PDE1C: variants seen among roughly 807,000 people sequenced by gnomAD.
PDE1C encodes dual specificity calcium/calmodulin-dependent 3',5'-cyclic nucleotide phosphodiesterase 1C.
A neutral mutation model predicts 93.1 loss-of-function variants in PDE1C; 62 were observed. The ratio of observed to expected loss-of-function variants is 0.67; its 90% confidence interval spans 0.54 to 0.82. The LOEUF (loss-of-function observed/expected upper bound fraction) is 0.82. Among genes scored for constraint, PDE1C ranks in the 40% least tolerant of loss-of-function variants. The pLI is 0.00. For missense variants in PDE1C, 742 were observed against 884.6 expected (o/e 0.84, Z 2.04); for synonymous variants, 325 against 310.1 (o/e 1.05, Z -0.50).
chr7:32,237,323 G>A (rs542794751), intron 1 of PDE1C, among the ~76,000 whole-genome samples: 203 of 151,788 alleles, frequency 1.3e-3, no homozygotes, highest in African/African-American at 4.4e-3. Flanking sequence ...TCCTGACCTC[G>A]TGATCCGCCC....
intron 2 of PDE1C, among the ~76,000 whole-genome samples, chr7:31,906,263 T>C (rs1198316853): frequency 1.3e-5 from 2 of 152,198 alleles, no homozygotes; most frequent in Non-Finnish European, 2.9e-5. Flanking sequence ...TATTCTTACA[T>C]CATGCTTCTA....
intron 3 of PDE1C, among the ~76,000 whole-genome samples, chr7:32,088,445 G>A (rs1394445798): frequency 1.3e-5 from 2 of 152,210 alleles, no homozygotes; most frequent in African/African-American, 4.8e-5. Context: ...AGCCCACCTC[G>A]CTTGGCAACC....
intron 2 of PDE1C, among the ~76,000 whole-genome samples, chr7:32,011,204 T>C (rs569511436): frequency 6.6e-6 from 1 of 152,236 alleles, no homozygotes; most frequent in African/African-American, 2.4e-5. Context: ...CAATTTTTTT[T>C]TTTTTTGAGA....
intron 3 of PDE1C, among the ~76,000 whole-genome samples, chr7:32,098,244 A>AAAAAAAAAAAAAAAAAC: frequency 6.9e-6 from 1 of 144,546 alleles, no homozygotes; most frequent in African/African-American, 2.6e-5. Context: ...AAAAAAAAAA[A>AAAAAAAAAAAAAAAAAC]AAAGACATAA....
At chr7:31,758,089 T>A (rs1193198228) in intron 17 of PDE1C, among the ~76,000 whole-genome samples, 3 of 152,058 alleles carry the variant, frequency 2.0e-5, no homozygotes, top group Admixed American at 2.0e-4. Flanking sequence ...TAGGTGGGAA[T>A]TGAACAATGA....
intron 7 of PDE1C, 44 bp downstream of exon 7, chr7:31,864,898 C>T (rs1407252826): frequency 6.3e-7 from 1 of 1,594,728 alleles, no homozygotes; most frequent in Non-Finnish European, 8.6e-7. Flanking sequence ...AAAAACTCAT[C>T]CTTACATCTT....
chr7:32,365,404 C>A (rs1784210866), intron 1 of PDE1C, among the ~76,000 whole-genome samples: 1 of 152,140 alleles, frequency 6.6e-6, no homozygotes, highest in Non-Finnish European at 1.5e-5. Flanking sequence ...AGGGACTGTC[C>A]CCAGCAGACA....
chr7:32,236,621 G>A (rs1399874134), intron 1 of PDE1C, among the ~76,000 whole-genome samples: 1 of 152,108 alleles, frequency 6.6e-6, no homozygotes, highest in Non-Finnish European at 1.5e-5. Flanking sequence ...TGTATCTCAG[G>A]CTATATAGGA....
At chr7:32,331,216 A>G (rs1562677160) in intron 1 of PDE1C, among the ~76,000 whole-genome samples, 1 of 152,206 alleles carries the variant, frequency 6.6e-6, no homozygotes, top group African/African-American at 2.4e-5. Flanking sequence ...CATCCTCAGA[A>G]GGATCCAAAA....
At chr7:31,760,433 C>A (rs910230910) in intron 17 of PDE1C, among the ~76,000 whole-genome samples, 1 of 152,148 alleles carries the variant, frequency 6.6e-6, no homozygotes, top group Non-Finnish European at 1.5e-5. Context: ...GGTCTGGCCT[C>A]ATTCCCTTGA....
At chr7:32,338,802 G>A (rs1783681110) in intron 1 of PDE1C, among the ~76,000 whole-genome samples, 1 of 152,104 alleles carries the variant, frequency 6.6e-6, no homozygotes, top group Non-Finnish European at 1.5e-5. Flanking sequence ...AGGAGATCGA[G>A]ACCATCCTGG....
intron 2 of PDE1C, among the ~76,000 whole-genome samples, chr7:31,992,131 C>T (rs796546356): frequency 1.1e-4 from 17 of 152,274 alleles, no homozygotes; most frequent in African/African-American, 4.1e-4. Context: ...TGCACCAGGC[C>T]CAAGCCCAGT....
rs570749397 is a variant in PDE1C at position 32,405,890 on chromosome 7, C to A, written c.310+21932G>T. 2.0e-5 allele frequency among the ~76,000 whole-genome samples: 3 copies of A among 152,264 alleles called. No individual in the cohort carries two copies. The East Asian group carries it at 5.8e-4, about 29-fold the overall frequency. ...ATTCCACTATAAAGGTTGGATGGAA[C>A]TCAAAAGCCTATTAGTGTAGCTGTG... is the stretch of plus-strand genomic sequence containing the variant. On this transcript the variant is annotated intron_variant, in intron 1 of 1. Coordinates refer to the PDE1C transcript ENST00000672256.
At chr7:32,291,984 C>T (rs777620250) in intron 1 of PDE1C, among the ~76,000 whole-genome samples, 2 of 152,142 alleles carry the variant, frequency 1.3e-5, no homozygotes, top group Non-Finnish European at 2.9e-5. Context: ...TGCTTTTCTC[C>T]TCTGTGGTTC....
intron 1 of PDE1C, among the ~76,000 whole-genome samples, chr7:32,307,764 C>A (rs949400923): frequency 6.6e-6 from 1 of 152,146 alleles, no homozygotes; most frequent in Non-Finnish European, 1.5e-5. Context: ...CCAAGATGGC[C>A]GAATAGGAAC....
At chr7:31,723,975 A>G in the PDE1C span, among the ~76,000 whole-genome samples, 1 of 151,912 alleles carries the variant, frequency 6.6e-6, no homozygotes, top group Admixed American at 6.6e-5. Flanking sequence ...TCTTACTTCT[A>G]TATCATCTCA....
intron 1 of PDE1C, among the ~76,000 whole-genome samples, chr7:32,267,656 T>C (rs988744381): frequency 6.8e-6 from 1 of 146,716 alleles, no homozygotes; most frequent in African/African-American, 2.5e-5. Flanking sequence ...ACCCCAACCA[T>C]CTGAAAGTAA....
At chr7:31,923,718 A>T (rs1400510411) in intron 2 of PDE1C, among the ~76,000 whole-genome samples, 1 of 152,190 alleles carries the variant, frequency 6.6e-6, no homozygotes, top group Non-Finnish European at 1.5e-5. Context: ...GCTCATGCCT[A>T]TAATCCCATG....
intron 1 of PDE1C, among the ~76,000 whole-genome samples, chr7:32,279,087 T>C (rs529138316): frequency 6.6e-6 from 1 of 152,204 alleles, no homozygotes; most frequent in South Asian, 2.1e-4. Flanking sequence ...AACTCAAATA[T>C]AAAAACTGAT....
Sources: allele counts gnomAD v4.1 joint callset (sites outside exome capture counted in the v4.1 genomes callset), GRCh38; gene constraint gnomAD v4.1.1; transcripts MANE v1.5; gene names NCBI Gene and HGNC (gene_info 2026-07-23, HGNC 2026-07-21).